The following RGS7 variants were observed in gnomAD, a reference collection of about 807,000 sequenced individuals.
RGS7 encodes regulator of G protein signaling 7.
In RGS7, 27 loss-of-function variants were observed where a neutral mutation model predicts 81.1. The ratio of observed to expected loss-of-function variants is 0.33; its 90% CI spans 0.25 to 0.46. RGS7 has a LOEUF of 0.46. RGS7 is among the 20% of genes least tolerant of loss of function. The pLI is 1.00. For synonymous variants in RGS7, 208 were observed against 207.7 expected, an observed-to-expected ratio of 1.00 and a Z score of -0.01; for missense variants, 396 against 607.4, an observed-to-expected ratio of 0.65 and a Z score of 3.66.
intron 2 of RGS7, among the ~76,000 whole-genome samples, chr1:241,177,786 AAG>A (rs138131615): frequency 0.026 from 3,978 of 152,252 alleles, 173 homozygotes; most frequent in African/African-American, 0.091. Flanking sequence ...GGAATGGAGA[AAG>A]AGAGAGTGAT....
At chr1:241,174,702 A>G (rs1170301141) in intron 2 of RGS7, among the ~76,000 whole-genome samples, 1 of 152,162 alleles carries the variant, frequency 6.6e-6, no homozygotes, top group Non-Finnish European at 1.5e-5. Context: ...GCAAAAAGTT[A>G]GCAAAAAGTA....
chr1:241,056,726 C>CAT (rs2061495601), intron 3 of RGS7, among the ~76,000 whole-genome samples: 1 of 152,180 alleles, frequency 6.6e-6, no homozygotes, highest in South Asian at 2.1e-4. Context: ...TTCATTTCAG[C>CAT]ACATTAAACT....
chr1:241,228,217 AC>A (rs1441269630), intron 2 of RGS7, among the ~76,000 whole-genome samples: 1 of 152,100 alleles, frequency 6.6e-6, no homozygotes, highest in Non-Finnish European at 1.5e-5. Flanking sequence ...CGTTCTGTCC[AC>A]CCCGGCCACA....
rs569248142 is a variant in RGS7, at chr1:241,309,757, T to C, written c.78+45942A>G. On this transcript the variant is annotated intron_variant, in intron 2 of 18. Coordinates refer to ENST00000440928, the MANE Select transcript of RGS7 (RefSeq NM_001364886.1). ...TGAAAATTTAGGAAAGGAATGCAGA[T>C]TGTGACATTTGCTTCTCTGGCATAG... Among the ~76,000 whole-genome samples, 4 of 152,358 alleles carry C rather than the reference T, an allele frequency of 2.6e-5. No individual in the cohort carries two copies. In the South Asian group the frequency reaches 6.2e-4, roughly 24 times the overall value.
chr1:240,822,924 G>A, intron 10 of RGS7: 1 of 430,470 alleles, frequency 2.3e-6, no homozygotes, highest in East Asian at 4.8e-5. Flanking sequence ...AATAAACACC[G>A]AAATACTAGA....
rs545795878 is a variant in RGS7, at chr1:241,156,610, G to A, written c.79-57848C>T. ...GGGAGGGGAGACGAGGGGAGGGGAG[G>A]GGAGGGGAAATCCCTTCACCGAAGA... On this transcript the variant is annotated intron_variant, in intron 2 of 18. Coordinates refer to ENST00000440928, the MANE Select transcript of RGS7 (RefSeq NM_001364886.1). Among the ~76,000 whole-genome samples the A allele has an allele frequency of 5.1e-4, 77 of 150,780 alleles. No individual in the cohort carries two copies. In the South Asian group the frequency reaches 0.015, roughly 30 times the overall value.
At chr1:241,020,712 CAATT>C (rs67153727) in intron 3 of RGS7, among the ~76,000 whole-genome samples, 11,026 of 152,170 alleles carry the variant, frequency 0.072, 463 homozygotes, top group Middle Eastern at 0.1. Context: ...TTTGGCCAAA[CAATT>C]AATCTTAAAG....
intron 3 of RGS7, among the ~76,000 whole-genome samples, chr1:240,996,757 C>T (rs909601885): frequency 6.6e-6 from 1 of 152,066 alleles, no homozygotes; most frequent in Non-Finnish European, 1.5e-5. Context: ...CTCTGCTGGC[C>T]TCTGTCTTTT....
intron 2 of RGS7, among the ~76,000 whole-genome samples, chr1:241,315,416 A>G (rs1164352531): frequency 1.3e-5 from 2 of 152,164 alleles, no homozygotes; most frequent in African/African-American, 4.8e-5. Flanking sequence ...GGGGGAAAAT[A>G]CATTTAAAAA....
intron 6 of RGS7, among the ~76,000 whole-genome samples, chr1:240,873,018 G>T (rs1189234585): frequency 6.6e-6 from 1 of 152,134 alleles, no homozygotes; most frequent in Non-Finnish European, 1.5e-5. Flanking sequence ...GACAGAGGTT[G>T]CAGTGAGCCA....
intron 2 of RGS7, among the ~76,000 whole-genome samples, chr1:241,178,892 G>A (rs73131667): frequency 0.012 from 1,791 of 152,244 alleles, 36 homozygotes; most frequent in African/African-American, 0.041. Flanking sequence ...AGATTGATAT[G>A]CAGCCAAACT....
rs1323939189 is a variant in RGS7, at chr1:241,271,925, G to A, written c.78+83774C>T. On this transcript the variant is annotated intron_variant, in intron 2 of 18. Transcript: ENST00000440928. The surrounding 1 kb of genome is among the most constrained non-coding windows in gnomAD (Gnocchi z 4.6). ...TGTGTGTGTGTGTGTGTGTGTGTGTGTGTGTGTAGACACACTATTGGTTCT... is the reference window on the plus strand; with the variant it reads ...TGTGTGTGTGTGTGTGTGTGTGTGTATGTGTGTAGACACACTATTGGTTCT... Among the ~76,000 whole-genome samples the A allele has an allele frequency of 8.5e-6, 1 of 117,692 alleles. No homozygotes were observed. Among genetic ancestry groups the A allele is most frequent in the African/African-American group, 3.1e-5 (1 of 32,724 alleles). 77.2% of individuals were successfully genotyped at this position (117,692 alleles called of 152,430 possible). A position where few individuals can be genotyped will look rare whatever the true frequency, so the allele number is the denominator to read the frequency against.
intron 2 of RGS7, among the ~76,000 whole-genome samples, chr1:241,117,700 G>A (rs1043037176): frequency 6.6e-6 from 1 of 152,118 alleles, no homozygotes; most frequent in Non-Finnish European, 1.5e-5. Flanking sequence ...AGGCTTGAGT[G>A]GAAATAGAAC....
At chr1:240,910,123 A>AT (rs1045524345) in intron 6 of RGS7, among the ~76,000 whole-genome samples, 2 of 152,078 alleles carry the variant, frequency 1.3e-5, no homozygotes, top group Admixed American at 1.3e-4. Flanking sequence ...TATTTCGAAC[A>AT]TTTTTTTAAG....
In RGS7 at chr1:241,178,712, T is replaced by C. The variant is rs1208930762; in HGVS notation, c.79-79950A>G. On this transcript the variant is annotated intron_variant, in intron 2 of 18. Coordinates refer to ENST00000440928, the MANE Select transcript of RGS7 (RefSeq NM_001364886.1). Reference sequence around the variant, plus strand: ...TTGAGCTCCTTCAAAGGTATCTGTTTCCTTTGTTTTGATATTGTTTCCAAA... The same window carrying C: ...TTGAGCTCCTTCAAAGGTATCTGTTCCCTTTGTTTTGATATTGTTTCCAAA... Among the ~76,000 whole-genome samples, 3 of 152,342 alleles carry C rather than the reference T, an allele frequency of 2.0e-5. No individual in the cohort carries two copies. The East Asian group carries it at 5.8e-4, about 29-fold the overall frequency.
intron 2 of RGS7, among the ~76,000 whole-genome samples, chr1:241,220,986 GAAGGAAGGAAGAGAGAGAGA>G (rs1356167985): frequency 4.8e-5 from 3 of 61,892 alleles, no homozygotes; most frequent in African/African-American, 2.0e-4. Flanking sequence ...AGGAAGGAAG[GAAGGAAGGAAGAGAGAGAGA>G]AAGGAAGGAA....
chr1:241,094,994 G>C (rs981363852), intron 3 of RGS7, among the ~76,000 whole-genome samples: 6 of 152,200 alleles, frequency 3.9e-5, no homozygotes, highest in African/African-American at 1.4e-4. Context: ...GAAAGAACTA[G>C]ATTATTCTTC....
At chr1:241,230,988 C>G (rs573936382) in intron 2 of RGS7, among the ~76,000 whole-genome samples, 3 of 152,120 alleles carry the variant, frequency 2.0e-5, no homozygotes, top group Admixed American at 2.0e-4. Context: ...ATCATGATAA[C>G]TCTTTTGGTT....
intron 2 of RGS7, among the ~76,000 whole-genome samples, chr1:241,174,195 G>A (rs1441800290): frequency 6.6e-6 from 1 of 152,214 alleles, no homozygotes; most frequent in African/African-American, 2.4e-5. Context: ...ATTCTTAGCA[G>A]TTCTAGGACA....
Sources: gnomAD v4.1 joint callset for allele counts (sites outside exome capture counted in the v4.1 genomes callset) on GRCh38, gnomAD v4.1.1 for gene constraint, Gnocchi (gnomAD v3.1) non-coding constraint, MANE v1.5 for transcripts, NCBI Gene and HGNC (gene_info 2026-07-23, HGNC 2026-07-21) for gene names.